Variants in SCLT1 observed in about 807,000 individuals in gnomAD.
SCLT1 encodes sodium channel and clathrin linker 1.
In SCLT1, 78 loss-of-function variants were observed where a neutral mutation model predicts 112.8. The observed-to-expected ratio is 0.69, with a 90% CI of 0.58 to 0.83. SCLT1 has a LOEUF of 0.83. Among genes scored for constraint, SCLT1 ranks in the 40% least tolerant of loss-of-function variants. SCLT1 has a pLI of 0.00. For synonymous variants in SCLT1, 257 were observed against 254.7 expected, an observed-to-expected ratio of 1.01 and a Z score of -0.09; for missense variants, 747 against 770.4, an observed-to-expected ratio of 0.97 and a Z score of 0.36.
intron 19 of SCLT1, among the ~76,000 whole-genome samples, chr4:128,889,270 A>T (rs1356497881): frequency 6.6e-6 from 1 of 152,218 alleles, no homozygotes; most frequent in Non-Finnish European, 1.5e-5. Flanking sequence ...TTGGAAAGAG[A>T]GTCCTTGCTG....
chr4:129,048,406 T>G (rs1199036133), intron 2 of SCLT1, among the ~76,000 whole-genome samples: 2 of 151,338 alleles, frequency 1.3e-5, no homozygotes, highest in African/African-American at 4.8e-5. Context: ...TAAATGGTGC[T>G]GGGAAAACTG....
chr4:129,038,960 T>C (rs1382597749), intron 5 of SCLT1, 81 bp downstream of exon 5: 6 of 855,464 alleles, frequency 7.0e-6, no homozygotes, highest in African/African-American at 1.7e-5. Context: ...ATTAATACTA[T>C]AGCTATCAAA....
intron 9 of SCLT1, 75 bp downstream of exon 9, chr4:128,992,092 A>C: frequency 2.1e-6 from 2 of 937,272 alleles, no homozygotes; most frequent in South Asian, 3.1e-5. Flanking sequence ...ACCCATGGGG[A>C]AAATTATAGC....
At position 128,919,827 on chromosome 4, in the gene SCLT1, C is replaced by T. The variant is rs142392308; in HGVS notation, c.1829+16828G>A. Among the ~76,000 whole-genome samples, 658 of 151,854 alleles carry T rather than the reference C, an allele frequency of 4.3e-3. 6 individuals carry two copies. Among genetic ancestry groups the T allele is most frequent in the African/African-American group, 0.013 (533 of 41,438 alleles). ...AAATGGATAAATTCTTAGAAACATA[C>T]AACCTTCCAATATTGAACTAGGAAG... On this transcript the variant is annotated intron_variant, in intron 18 of 20. Coordinates refer to ENST00000281142, the MANE Select transcript of SCLT1 (RefSeq NM_144643.4).
At position 128,939,101 on chromosome 4, in the gene SCLT1, C is replaced by T. The variant is rs535269129; in HGVS notation, c.1633-2250G>A. On this transcript the variant is annotated intron_variant, in intron 17 of 20. Coordinates refer to ENST00000281142, the MANE Select transcript of SCLT1 (RefSeq NM_144643.4). ...ATTTTCACTTGGAAAATCTATTTAT[C>T]GTTTCACAAGCTTTGCTTTAAGACC... Among the ~76,000 whole-genome samples, 14 of 152,324 alleles carry T rather than the reference C, an allele frequency of 9.2e-5. No homozygotes were observed. In the South Asian group the frequency reaches 2.9e-3, roughly 32 times the overall value.
At chr4:128,894,428 T>A (rs1442381001) in intron 18 of SCLT1, among the ~76,000 whole-genome samples, 1 of 151,518 alleles carries the variant, frequency 6.6e-6, no homozygotes, top group East Asian at 1.9e-4. Context: ...TATATGTGTG[T>A]GTGTATGTGT....
At chr4:129,026,498 C>T (rs945025454) in intron 5 of SCLT1, among the ~76,000 whole-genome samples, 37 of 152,070 alleles carry the variant, frequency 2.4e-4, no homozygotes, top group African/African-American at 8.9e-4. Context: ...TTCTTTGAAA[C>T]CAACGAGAAC....
chr4:129,064,833 T>G (rs1175122756), intron 2 of SCLT1, among the ~76,000 whole-genome samples: 1 of 152,162 alleles, frequency 6.6e-6, no homozygotes, highest in Non-Finnish European at 1.5e-5. Context: ...AATGCCACTG[T>G]GGTCAGAAAA....
rs886602968 is a variant in SCLT1 at position 128,997,090 on chromosome 4, CTG to C, written c.615+782_615+783del. The stretch of plus-strand genomic sequence containing the variant: ...AAGAAGTATAATATAGTATCAAAAA[CTG>C]TATGTAATTAGACACTTCAAATGTT... On this transcript the variant is annotated intron_variant, in intron 8 of 20. Transcript: ENST00000281142. 5.3e-5 allele frequency: 8 copies of C among 152,008 alleles called. No individual in the cohort carries two copies. In the South Asian group the frequency reaches 1.0e-3, roughly 20 times the overall value. The allele number at this position is 152,008 out of a possible 1,614,324, so 9.4% of individuals were successfully genotyped here. A position where few individuals can be genotyped will look rare whatever the true frequency, so the allele number is the denominator to read the frequency against.
At chr4:128,967,229 T>C (rs1394310543) in intron 10 of SCLT1, among the ~76,000 whole-genome samples, 3 of 152,248 alleles carry the variant, frequency 2.0e-5, no homozygotes, top group Non-Finnish European at 4.4e-5. Flanking sequence ...GGTGTACACG[T>C]ACCACATTTT....
chr4:129,031,820 A>T (rs918537055), intron 5 of SCLT1, among the ~76,000 whole-genome samples: 1 of 152,184 alleles, frequency 6.6e-6, no homozygotes, highest in Non-Finnish European at 1.5e-5. Context: ...AACAAATGGA[A>T]AAACATTCCA....
intron 18 of SCLT1, among the ~76,000 whole-genome samples, chr4:128,933,329 C>T (rs533034386): frequency 6.6e-6 from 1 of 151,984 alleles, no homozygotes; most frequent in African/African-American, 2.4e-5. Flanking sequence ...TGACCAAAGA[C>T]TTTTTTTTCT....
intron 20 of SCLT1, among the ~76,000 whole-genome samples, chr4:128,886,399 T>C (rs1414553457): frequency 2.0e-5 from 3 of 152,220 alleles, no homozygotes; most frequent in Admixed American, 1.3e-4. Context: ...TTTGTTAATA[T>C]GCATTTAGTA....
chr4:128,946,137 T>C lies in SCLT1; in HGVS notation c.1309A>G (p.Arg437Gly). ...EELEKIYREGRGNESDYRKLE... is the reference protein window; with the variant it reads ...EELEKIYREGGGNESDYRKLE... ...TTTCTGTAATCACTCTCATTTCCTC[T>C]GCCTTCACGGTAAATCTGCAGAAAA... Residue 437 changes from arginine (R) to glycine (G), a missense_variant, in exon 16 of 21, where the codon AGA becomes GGA. By Grantham distance (125) the Arg-to-Gly change is moderately radical. Coordinates refer to ENST00000281142, the MANE Select transcript of SCLT1 (RefSeq NM_144643.4). 1 of 1,605,368 alleles carries C rather than the reference T, an allele frequency of 6.2e-7. No individual in the cohort carries two copies. The highest frequency in any genetic ancestry group is 8.5e-7 in the Non-Finnish European group (1 of 1,172,628).
intron 4 of SCLT1, chr4:128,876,446 A>C (rs997808827): frequency 6.6e-6 from 1 of 152,194 alleles, no homozygotes. Context: ...GTGATGGGAA[A>C]TGTCACACCA....
chr4:129,061,949 G>A (rs1325029341), intron 2 of SCLT1, among the ~76,000 whole-genome samples: 1 of 152,186 alleles, frequency 6.6e-6, no homozygotes, highest in Non-Finnish European at 1.5e-5. Flanking sequence ...TGCTCCCTCA[G>A]ATAAGCTTAG....
chr4:129,082,979 G>T (rs1752072906), intron 1 of SCLT1, among the ~76,000 whole-genome samples: 2 of 151,910 alleles, frequency 1.3e-5, no homozygotes, highest in Admixed American at 1.3e-4. Flanking sequence ...ATCACTTGAG[G>T]TCGGGAGTTC....
chr4:128,982,782 A>G (rs113089109), intron 9 of SCLT1, among the ~76,000 whole-genome samples: 2,426 of 151,764 alleles, frequency 0.016, 45 homozygotes, highest in African/African-American at 0.045. Flanking sequence ...GATTACAGGC[A>G]TGAGCTACCG....
At chr4:128,873,256 G>GAAAAAAAAAAA (rs1296724284) in intron 5 of SCLT1, 15 of 28,428 alleles carry the variant, frequency 5.3e-4, no homozygotes, top group Non-Finnish European at 6.8e-4. Context: ...TAAGAAAAAG[G>GAAAAAAAAAAA]AAAAAAAAAA....
Sources: allele counts gnomAD v4.1 joint callset (sites outside exome capture counted in the v4.1 genomes callset), GRCh38; gene constraint gnomAD v4.1.1; transcripts MANE v1.5; gene names NCBI Gene and HGNC (gene_info 2026-07-23, HGNC 2026-07-21).